Variants in NELL1 observed in about 807,000 individuals in gnomAD.
The protein encoded by NELL1 is protein kinase C-binding protein NELL1.
NELL1 carries 76 observed loss-of-function variants against 107.4 expected under a neutral mutation model. The observed-to-expected ratio is 0.71, with a 90% CI of 0.59 to 0.86. The LOEUF (loss-of-function observed/expected upper bound fraction) is 0.86, where lower values mean the gene tolerates loss of function less well. Ranked by LOEUF, NELL1 falls within the 40% of genes least tolerant of loss-of-function variation. The pLI is 0.00. For synonymous variants in NELL1, 353 were observed against 341.2 expected (o/e 1.03, Z -0.38); for missense variants, 1,024 against 1,005.5 (o/e 1.02, Z -0.25).
At chr11:20,674,474 T>C (rs1460642688) in intron 1 of NELL1, 2 of 1,535,286 alleles carry the variant, frequency 1.3e-6, no homozygotes, top group African/African-American at 1.4e-5. Flanking sequence ...ACCCAAAACA[T>C]GAAATTTCCT....
chr11:20,816,717 C>T (rs538996262), intron 3 of NELL1, among the ~76,000 whole-genome samples: 1 of 152,142 alleles, frequency 6.6e-6, no homozygotes, highest in African/African-American at 2.4e-5. Flanking sequence ...TGTCTTATTC[C>T]AGTTCTTAAA....
chr11:21,152,279 C>T (rs1320203613), intron 13 of NELL1, among the ~76,000 whole-genome samples: 1 of 152,144 alleles, frequency 6.6e-6, no homozygotes, highest in Non-Finnish European at 1.5e-5. Context: ...ATTTCCTGAT[C>T]CCAATTCTCT....
intron 2 of NELL1, among the ~76,000 whole-genome samples, chr11:20,732,689 A>G (rs1020882304): frequency 5.9e-5 from 9 of 152,174 alleles, no homozygotes; most frequent in Non-Finnish European, 1.3e-4. Context: ...GGGACAGTGT[A>G]GATGCCAGTT....
chr11:20,678,845 C>T (rs1429215190), intron 2 of NELL1, among the ~76,000 whole-genome samples: 1 of 152,098 alleles, frequency 6.6e-6, no homozygotes, highest in Non-Finnish European at 1.5e-5. Flanking sequence ...TCTTAATGCA[C>T]TAGGGATTAA....
chr11:20,743,292 G>A (rs1855933490), intron 2 of NELL1, among the ~76,000 whole-genome samples: 1 of 151,882 alleles, frequency 6.6e-6, no homozygotes, highest in African/African-American at 2.4e-5. Context: ...GGTGGTGGCT[G>A]CAGTGAGCCA....
At chr11:21,087,812 G>T (rs1288354028) in intron 12 of NELL1, among the ~76,000 whole-genome samples, 3 of 152,132 alleles carry the variant, frequency 2.0e-5, no homozygotes, top group South Asian at 2.1e-4. Flanking sequence ...AATCAGGTTT[G>T]ATTGGAACAT....
chr11:21,141,928 T>G (rs1428820225), intron 13 of NELL1, among the ~76,000 whole-genome samples: 1 of 152,054 alleles, frequency 6.6e-6, no homozygotes, highest in African/African-American at 2.4e-5. Flanking sequence ...CATGCTCAGC[T>G]AATTTTGGTA....
intron 16 of NELL1, among the ~76,000 whole-genome samples, chr11:21,538,034 G>A (rs1464084131): frequency 6.6e-6 from 1 of 152,098 alleles, no homozygotes; most frequent in Non-Finnish European, 1.5e-5. Flanking sequence ...CACTGAAAAT[G>A]AGCACATCTG....
rs80018963 is a variant in NELL1 at position 21,371,645 on chromosome 11, G to A, written c.1645+697G>A. ...AGTGCAAACAAGGGGTTTATGACAC[G>A]TAAAAGTGAATATTTCAGTTTGTTC... is the stretch of plus-strand genomic sequence containing the variant. On this transcript the variant is annotated intron_variant, in intron 15 of 19. Transcript: ENST00000357134. Among the ~76,000 whole-genome samples, 871 of 152,154 alleles carry A rather than the reference G, an allele frequency of 5.7e-3. 12 individuals carry two copies. The highest frequency in any genetic ancestry group is 0.02 in the African/African-American group (813 of 41,526).
intron 15 of NELL1, among the ~76,000 whole-genome samples, chr11:21,524,242 A>G (rs1189159702): frequency 1.3e-5 from 2 of 152,140 alleles, no homozygotes; most frequent in East Asian, 3.8e-4. Context: ...CTCCATTTTC[A>G]GTAAAATTAG....
In NELL1 at chr11:21,139,330, G is replaced by A. The variant is rs538786468; in HGVS notation, c.1426+25616G>A. Among the ~76,000 whole-genome samples, 113 of 152,152 alleles carry A rather than the reference G, an allele frequency of 7.4e-4. 1 individual carries two copies. The highest frequency in any genetic ancestry group is 1.3e-3 in the Non-Finnish European group (89 of 67,998). On this transcript the variant is annotated intron_variant, in intron 13 of 19. Transcript: ENST00000357134. ...TAACTCAGGGACACTTGCTTTTCCCGGTGCCTGGAAAGCACTTCCCCTCAC... is the reference window on the plus strand; with the variant it reads ...TAACTCAGGGACACTTGCTTTTCCCAGTGCCTGGAAAGCACTTCCCCTCAC...
intron 13 of NELL1, among the ~76,000 whole-genome samples, chr11:21,133,680 C>T (rs951599635): frequency 2.8e-5 from 4 of 141,024 alleles, no homozygotes; most frequent in East Asian, 2.1e-4. Flanking sequence ...GCTCCAAAAT[C>T]AGAGCAGGAC....
intron 14 of NELL1, among the ~76,000 whole-genome samples, chr11:21,263,507 C>T (rs1027165361): frequency 6.6e-6 from 1 of 151,996 alleles, no homozygotes; most frequent in African/African-American, 2.4e-5. Flanking sequence ...TACACTTTCA[C>T]TGATTTCCCG....
At chr11:20,745,987 A>G (rs959510357) in intron 2 of NELL1, among the ~76,000 whole-genome samples, 1 of 152,152 alleles carries the variant, frequency 6.6e-6, no homozygotes, top group African/African-American at 2.4e-5. Context: ...TACCTGTCTA[A>G]AGTCTGTTAA....
At chr11:21,122,840 A>G (rs1461992957) in intron 13 of NELL1, among the ~76,000 whole-genome samples, 1 of 152,202 alleles carries the variant, frequency 6.6e-6, no homozygotes, top group African/African-American at 2.4e-5. Flanking sequence ...AAATGACTCA[A>G]CTGGCTTAAA....
At position 21,133,440 on chromosome 11, in the gene NELL1, C is replaced by T. The variant is rs376555571; in HGVS notation, c.1426+19726C>T. On this transcript the variant is annotated intron_variant, in intron 13 of 19. Coordinates refer to ENST00000357134, the MANE Select transcript of NELL1 (RefSeq NM_006157.5). ...TTCCCACCCAGGAGCCTGTCTGCCT[C>T]TTGCCACCATCAACCTGCTGTCCCT... is the stretch of plus-strand genomic sequence containing the variant. 3.5e-4 allele frequency among the ~76,000 whole-genome samples: 53 copies of T among 152,288 alleles called. No homozygotes were observed. In the East Asian group the frequency reaches 3.5e-3, roughly 10 times the overall value.
chr11:20,779,942 A>C (rs1168822434), intron 2 of NELL1, among the ~76,000 whole-genome samples: 1 of 152,238 alleles, frequency 6.6e-6, no homozygotes, highest in Non-Finnish European at 1.5e-5. Flanking sequence ...CAGTCCTTTG[A>C]AACCTGTCCA....
intron 12 of NELL1, among the ~76,000 whole-genome samples, chr11:20,966,382 A>G (rs796224892): frequency 2.8e-4 from 43 of 152,206 alleles, no homozygotes; most frequent in African/African-American, 9.9e-4. Context: ...ATGGTGACTA[A>G]ATTTCAACAT....
intron 4 of NELL1, among the ~76,000 whole-genome samples, chr11:20,853,513 CA>C: frequency 6.6e-6 from 1 of 152,216 alleles, no homozygotes; most frequent in Non-Finnish European, 1.5e-5. Flanking sequence ...ATTCTTCTAC[CA>C]TAGGGTTGTG....
Sources: gnomAD v4.1 joint callset for allele counts (sites outside exome capture counted in the v4.1 genomes callset) on GRCh38, gnomAD v4.1.1 for gene constraint, MANE v1.5 for transcripts, NCBI Gene and HGNC (gene_info 2026-07-23, HGNC 2026-07-21) for gene names.